Variants in LIN9 observed in about 807,000 individuals in gnomAD.
LIN9 encodes lin-9 DREAM MuvB core complex component.
A neutral mutation model predicts 78.0 loss-of-function variants in LIN9; 18 were observed. The ratio of observed to expected loss-of-function variants is 0.23; its 90% CI spans 0.16 to 0.34. The LOEUF is 0.34. Ranked by LOEUF, LIN9 falls within the 10% of genes least tolerant of loss-of-function variation. LIN9 has a pLI of 1.00. For synonymous variants in LIN9, 192 were observed against 215.2 expected, an observed-to-expected ratio of 0.89 and a Z score of 0.94; for missense variants, 451 against 644.1, an observed-to-expected ratio of 0.70 and a Z score of 3.25.
At chr1:226,279,032 G>A (rs561536575) in intron 6 of LIN9, among the ~76,000 whole-genome samples, 52 of 152,090 alleles carry the variant, frequency 3.4e-4, no homozygotes, top group African/African-American at 1.2e-3. Flanking sequence ...ATGGCGGCGG[G>A]TGCCTGTAGT....
intron 6 of LIN9, among the ~76,000 whole-genome samples, chr1:226,280,180 T>G (rs1341219765): frequency 1.3e-5 from 2 of 152,232 alleles, no homozygotes; most frequent in Non-Finnish European, 2.9e-5. Context: ...TAAACATCAC[T>G]TTCATGCCAT....
intron 10 of LIN9, among the ~76,000 whole-genome samples, chr1:226,263,646 TTAAAAA>T (rs1659737133): frequency 6.6e-6 from 1 of 152,148 alleles, no homozygotes; most frequent in Non-Finnish European, 1.5e-5. Flanking sequence ...AAAGAAAAAA[TTAAAAA>T]CAAGTGTCTT....
chr1:226,290,506 A>G (rs564961655), intron 4 of LIN9, among the ~76,000 whole-genome samples: 2 of 151,560 alleles, frequency 1.3e-5, no homozygotes, highest in African/African-American at 4.8e-5. Context: ...ACGCCCGGCT[A>G]ATTTTTTGTA....
intron 1 of LIN9, among the ~76,000 whole-genome samples, chr1:226,302,052 G>C (rs550527330): frequency 6.6e-6 from 1 of 152,314 alleles, no homozygotes; most frequent in African/African-American, 2.4e-5. Context: ...CTGACAGACA[G>C]AGTACGACTC....
chr1:226,308,979 A>C, intron 1 of LIN9, 130 bp downstream of exon 1: 1 of 866,878 alleles, frequency 1.2e-6, no homozygotes, highest in East Asian at 3.5e-5. Context: ...TGGGAGGACT[A>C]GGGGACCACA....
At chr1:226,286,218 C>T in intron 6 of LIN9, 115 bp downstream of exon 6, 1 of 1,064,638 alleles carries the variant, frequency 9.4e-7, no homozygotes. Flanking sequence ...CAGCCCTGAA[C>T]CCCTGGCCTT....
chr1:226,290,079 C>T (rs1661655733), intron 4 of LIN9, among the ~76,000 whole-genome samples: 1 of 151,736 alleles, frequency 6.6e-6, no homozygotes, highest in African/African-American at 2.4e-5. Flanking sequence ...TTAAAAAATA[C>T]AGAAACAAAT....
intron 10 of LIN9, among the ~76,000 whole-genome samples, chr1:226,253,307 ATC>A (rs911722813): frequency 6.6e-6 from 1 of 150,634 alleles, no homozygotes; most frequent in Non-Finnish European, 1.5e-5. Context: ...AAAAAAATGT[ATC>A]TCTCTTTTTT....
intron 1 of LIN9, among the ~76,000 whole-genome samples, chr1:226,307,526 T>C (rs1350050711): frequency 2.0e-5 from 3 of 152,078 alleles, no homozygotes; most frequent in Non-Finnish European, 4.4e-5. Context: ...ACCCCAGCTA[T>C]TCGGGAGGCT....
chr1:226,256,547 A>C (rs1659203792), intron 10 of LIN9, among the ~76,000 whole-genome samples: 1 of 150,038 alleles, frequency 6.7e-6, no homozygotes, highest in Non-Finnish European at 1.5e-5. Context: ...ATAATAAATA[A>C]AATAAATATA....
intron 11 of LIN9, among the ~76,000 whole-genome samples, chr1:226,240,846 GGCTAA>G (rs1400859662): frequency 2.6e-5 from 4 of 152,144 alleles, no homozygotes; most frequent in Admixed American, 2.6e-4. Context: ...CACTATGCCT[GGCTAA>G]TGTTCTAAGT....
chr1:226,232,783 C>CT, intron 14 of LIN9, 177 bp from the exon 15 acceptor site: 1 of 505,768 alleles, frequency 2.0e-6, no homozygotes, highest in Non-Finnish European at 3.4e-6. Flanking sequence ...CAAATATGCT[C>CT]TAAAGAAGCA....
intron 4 of LIN9, among the ~76,000 whole-genome samples, chr1:226,294,277 CAAAAA>C (rs35182254): frequency 8.8e-6 from 1 of 114,192 alleles, no homozygotes; most frequent in Non-Finnish European, 1.9e-5. Context: ...CAATGCAGTC[CAAAAA>C]AAAAAAAAAA....
At chr1:226,305,332 A>AC (rs1662841317) in intron 1 of LIN9, among the ~76,000 whole-genome samples, 1 of 150,156 alleles carries the variant, frequency 6.7e-6, no homozygotes, top group African/African-American at 2.4e-5. Flanking sequence ...AAAAAAAAAA[A>AC]AAAAAAAAAC....
At chr1:226,272,669 A>C (rs1377562770) in intron 7 of LIN9, among the ~76,000 whole-genome samples, 1 of 151,186 alleles carries the variant, frequency 6.6e-6, no homozygotes, top group Non-Finnish European at 1.5e-5. Flanking sequence ...ATGTGTCTAG[A>C]CTTGCTGGCT....
intron 2 of LIN9, 145 bp downstream of exon 2, chr1:226,301,028 A>C (rs1662504390): frequency 6.4e-6 from 3 of 470,950 alleles, no homozygotes; most frequent in Non-Finnish European, 1.1e-5. Context: ...ATAAAAGCAT[A>C]TTAATTTAAG....
chr1:226,264,921 CA>C (rs1659818680), intron 10 of LIN9, among the ~76,000 whole-genome samples: 1 of 151,962 alleles, frequency 6.6e-6, no homozygotes, highest in Non-Finnish European at 1.5e-5. Context: ...TTTCATTTTC[CA>C]AAAAGGAAAT....
intron 10 of LIN9, among the ~76,000 whole-genome samples, chr1:226,263,822 A>C (rs1659748221): frequency 6.6e-6 from 1 of 152,218 alleles, no homozygotes; most frequent in African/African-American, 2.4e-5. Flanking sequence ...CTGTAATCTT[A>C]GCACTTTGGA....
rs1041394861 is a variant in LIN9, at chr1:226,265,092, T to C, written c.1038+441A>G. Among the ~76,000 whole-genome samples the C allele has an allele frequency of 6.6e-6, 1 of 152,226 alleles. No homozygotes were observed. Among genetic ancestry groups the C allele is most frequent in the Non-Finnish European group, 1.5e-5 (1 of 68,030 alleles). Reference sequence around the variant, plus strand: ...GATTTCTTAGTGTCTAATCACTAAGTACTTAGCAGGTGAATACCTGTTTCT... The same window carrying C: ...GATTTCTTAGTGTCTAATCACTAAGCACTTAGCAGGTGAATACCTGTTTCT... On this transcript the variant is annotated intron_variant, in intron 10 of 14. Coordinates refer to ENST00000681046, the MANE Select transcript of LIN9 (RefSeq NM_001366245.2). This position sits in a 1 kb window ranked among gnomAD's most constrained non-coding sequence, Gnocchi z 4.1.
Sources: allele counts gnomAD v4.1 joint callset (sites outside exome capture counted in the v4.1 genomes callset), GRCh38; gene constraint gnomAD v4.1.1; non-coding constraint Gnocchi (gnomAD v3.1); transcripts MANE v1.5; gene names NCBI Gene and HGNC (gene_info 2026-07-23, HGNC 2026-07-21).